The following PFKL variants were observed in gnomAD, a reference collection of about 807,000 sequenced individuals.
PFKL encodes ATP-dependent 6-phosphofructokinase, liver type.
PFKL carries 74 observed loss-of-function variants against 92.1 expected under a neutral mutation model. That is an observed-to-expected ratio of 0.80 (90% CI 0.67 to 0.97). PFKL has a LOEUF of 0.97. PFKL is among the 50% of genes least tolerant of loss of function. PFKL has a pLI of 0.00. For synonymous variants in PFKL, 494 were observed against 456.4 expected, an observed-to-expected ratio of 1.08 and a Z score of -1.05; for missense variants, 1,028 against 1,116.6, an observed-to-expected ratio of 0.92 and a Z score of 1.13.
At position 44,318,523 on chromosome 21, in the gene PFKL, C is replaced by A; in HGVS notation, c.990C>A (p.Asp330Glu). Residue 330 changes from aspartate to glutamate, a missense_variant, in exon 10 of 22, where the codon GAC becomes GAA. Physicochemically the swap from Asp to Glu is conservative, Grantham distance 45 (BLOSUM62 2). Transcript: ENST00000349048. ...TGGCGCTGCTGGAAGCCACGCCTGACACGCCGGCCTGCGTGGTCACCCTCT... is the reference window on the plus strand; with the variant it reads ...TGGCGCTGCTGGAAGCCACGCCTGAAACGCCGGCCTGCGTGGTCACCCTCT... ...AVMALLEATPDTPACVVTLSG... is the reference protein window; with the variant it reads ...AVMALLEATPETPACVVTLSG... The A allele has an allele frequency of 6.3e-7, 1 of 1,578,186 alleles. No homozygotes were observed. Among genetic ancestry groups the A allele is most frequent in the Non-Finnish European group, 8.6e-7 (1 of 1,156,676 alleles).
At chr21:44,312,898 G>C in intron 4 of PFKL, 80 bp from the exon 5 acceptor site, 1 of 1,464,132 alleles carries the variant, frequency 6.8e-7, no homozygotes, top group African/African-American at 1.4e-5. Context: ...GCGGGGGAAG[G>C]GGTGGCAGGA....
rs2047271899 is a variant in PFKL, at chr21:44,318,550, G to A, written c.1017G>A (p.Ser339=). Residue 339 remains serine, a synonymous_variant, in exon 10 of 22, where the codon TCG becomes TCA. Coordinates refer to ENST00000349048, the MANE Select transcript of PFKL (RefSeq NM_002626.6). ...CGCCGGCCTGCGTGGTCACCCTCTC[G>A]GGGAACCAGTCAGTGCGGCTGCCCC... ...PDTPACVVTL[S]GNQSVRLPLM... The A allele has an allele frequency of 3.2e-6, 5 of 1,576,128 alleles. No homozygotes were observed. The highest frequency in any genetic ancestry group is 4.3e-6 in the Non-Finnish European group (5 of 1,155,354).
At chr21:44,307,720 C>CGGGGTG (rs2040993737) in intron 2 of PFKL, among the ~76,000 whole-genome samples, 2 of 47,198 alleles carry the variant, frequency 4.2e-5, no homozygotes, top group African/African-American at 2.2e-4. Flanking sequence ...TCCCTGTGGC[C>CGGGGTG]AGGCTGGGGC....
intron 21 of PFKL, among the ~76,000 whole-genome samples, 169 bp from the exon 22 acceptor site, chr21:44,326,546 C>T (rs1302317588): frequency 1.0e-4 from 15 of 147,184 alleles, no homozygotes; most frequent in African/African-American, 1.5e-4. Context: ...GCTGTGCCTC[C>T]GAGGGATGGG....
At chr21:44,325,373 A>G (rs971912519) in intron 19 of PFKL, 109 bp downstream of exon 19, 23 of 728,708 alleles carry the variant, frequency 3.2e-5, no homozygotes, top group Middle Eastern at 6.5e-4. Context: ...CACTCCCGGC[A>G]GGCCCTCGGG....
chr21:44,323,006 G>T lies in PFKL; in HGVS notation c.1454G>T (p.Arg485Leu). Reference sequence around the variant, plus strand: ...CTGGAGTCCATTGTGGAGAACATCCGCATCTATGGTATTCACGCCCTGCTG... The same window carrying T: ...CTGGAGTCCATTGTGGAGAACATCCTCATCTATGGTATTCACGCCCTGCTG... ...GQLESIVENI[R>L]IYGIHALLVV... The change falls in exon 15 of 22, where the codon CGC (arginine) becomes CTC (leucine). Residue 485 changes from arginine (R) to leucine (L), a missense_variant. Arg to Leu is a moderately radical substitution (Grantham distance 102, BLOSUM62 -2). Coordinates refer to ENST00000349048, the MANE Select transcript of PFKL (RefSeq NM_002626.6). 1.2e-6 allele frequency: 2 copies of T among 1,613,118 alleles called. No individual in the cohort carries two copies. Among genetic ancestry groups the T allele is most frequent in the South Asian group, 2.2e-5 (2 of 91,052 alleles).
Position 44,320,226 on chromosome 21 carries a change from G to A in PFKL, c.1191+79G>A. 6 of 1,295,598 alleles carry A rather than the reference G, an allele frequency of 4.6e-6. No individual in the cohort carries two copies. The South Asian group carries it at 7.4e-5, about 16-fold the overall frequency. 80.3% of individuals were successfully genotyped at this position (1,295,598 alleles called of 1,614,324 possible). On this transcript the variant is annotated intron_variant, in intron 12 of 21. Transcript: ENST00000349048. ...GCCTCTTCACGCTGGCCCCGTGGCT[G>A]GGCCTGCCTGCCCCCACCTTCCCTC...
intron 16 of PFKL, 147 bp from the exon 17 acceptor site, chr21:44,324,344 G>T: frequency 1.3e-6 from 1 of 782,234 alleles, no homozygotes; most frequent in South Asian, 1.8e-5. Flanking sequence ...GTGGGAGGTG[G>T]GCCCAAGCCT....
chr21:44,307,851 TTTC>T (rs1257161244), intron 2 of PFKL, among the ~76,000 whole-genome samples: 37 of 152,210 alleles, frequency 2.4e-4, no homozygotes, highest in African/African-American at 2.2e-4. Context: ...CGACCTTCAG[TTTC>T]TTCTTCTAAG....
Position 44,326,149 on chromosome 21 carries a change from CTGTT to C in PFKL, c.2090-7_2090-4del, listed in dbSNP as rs1318132267. 5 of 1,611,722 alleles carry C rather than the reference CTGTT, an allele frequency of 3.1e-6. No individual in the cohort carries two copies. The highest frequency in any genetic ancestry group is 3.3e-4 in the Middle Eastern group (2 of 6,058). On this transcript the variant is annotated splice_region_variant and splice_polypyrimidine_tract_variant and intron_variant, in intron 20 of 21. Coordinates refer to ENST00000349048, the MANE Select transcript of PFKL (RefSeq NM_002626.6). ...CACCATGGAGGGCTGCCACGTGCCT[CTGTT>C]TGCAGGACGGGTGTTCGCCAATGCC...
In PFKL at chr21:44,318,670, C is replaced by G. The variant is rs995770850; in HGVS notation, c.1062+75C>G. On this transcript the variant is annotated intron_variant, in intron 10 of 21. Transcript: ENST00000349048. ...CCCCACTCACAGGCCCCACTGCTCT[C>G]TGGGGGCCCCAGCACTGTGAGCACC... 11 of 1,323,424 alleles carry G rather than the reference C, an allele frequency of 8.3e-6. No homozygotes were observed. The East Asian group carries it at 2.5e-4, about 30-fold the overall frequency. The allele number at this position is 1,323,424 out of a possible 1,614,324, so 82.0% of individuals were successfully genotyped here.
chr21:44,324,446 A>T (rs2047441005), intron 16 of PFKL, 45 bp from the exon 17 acceptor site: 2 of 1,602,834 alleles, frequency 1.2e-6, no homozygotes, highest in Non-Finnish European at 8.5e-7. Flanking sequence ...GCCTACAGGG[A>T]AGGGTGGGCA....
Position 44,324,583 on chromosome 21 carries a change from C to G in PFKL, c.1743C>G (p.Thr581=), listed in dbSNP as rs752845163. The change falls in exon 17 of 22, where the codon ACC becomes ACG. Residue 581 remains threonine (T), a synonymous_variant. Coordinates refer to ENST00000349048, the MANE Select transcript of PFKL (RefSeq NM_002626.6). ...TMGGYCGYLA[T]VTGIAVGADA... Reference sequence around the variant, plus strand: ...GGGGTTACTGTGGCTACCTGGCCACCGTGACTGGCATTGCTGTGGGGGCCG... The same window carrying G: ...GGGGTTACTGTGGCTACCTGGCCACGGTGACTGGCATTGCTGTGGGGGCCG... 1 of 1,612,726 alleles carries G rather than the reference C, an allele frequency of 6.2e-7. No homozygotes were observed. The highest frequency in any genetic ancestry group is 1.3e-5 in the African/African-American group (1 of 74,886).
chr21:44,302,954 C>T (rs562444307), intron 1 of PFKL, among the ~76,000 whole-genome samples: 21 of 152,292 alleles, frequency 1.4e-4, no homozygotes, highest in Non-Finnish European at 2.2e-4. Context: ...TGAAACAGGC[C>T]GGGCGCGGTG....
chr21:44,323,706 G>T, intron 15 of PFKL, 60 bp from the exon 16 acceptor site: 9 of 1,549,426 alleles, frequency 5.8e-6, no homozygotes, highest in Non-Finnish European at 7.9e-6. Context: ...GGCAGAGCCT[G>T]TCCCCGGCCC....
intron 1 of PFKL, 64 bp downstream of exon 1, chr21:44,300,254 C>G (rs2040729763): frequency 1.3e-6 from 1 of 788,550 alleles, no homozygotes; most frequent in Non-Finnish European, 1.6e-6. Flanking sequence ...CCTGGCCTCT[C>G]CGGAGCGCCC....
chr21:44,326,042 C>T lies in PFKL; in HGVS notation c.2071C>T (p.Arg691Cys), dbSNP rs769249641. 135 of 1,613,712 alleles carry T rather than the reference C, an allele frequency of 8.4e-5. No homozygotes were observed. Among genetic ancestry groups the T allele is most frequent in the Non-Finnish European group, 1.0e-4 (123 of 1,179,902 alleles). Residue 691 changes from arginine (R) to cysteine (C), a missense_variant, in exon 20 of 22, where the codon CGC becomes TGC. Arg to Cys is a radical substitution (Grantham distance 180). Transcript: ENST00000349048. ...CATGCTGTGGTTGTCGGAGAAGCTG[C>T]GCGAGGTTTACCGCAAGGGTAGGTG... ...KAMLWLSEKL[R>C]EVYRKGRVFA...
Position 44,321,893 on chromosome 21 carries a change from A to C in PFKL, c.1338+18A>C. The C allele has an allele frequency of 2.0e-6, 3 of 1,518,484 alleles. No individual in the cohort carries two copies. Among genetic ancestry groups the C allele is most frequent in the Admixed American group, 2.2e-5 (1 of 46,392 alleles). The allele number at this position is 1,518,484 out of a possible 1,614,324, so 94.1% of individuals were successfully genotyped here. On this transcript the variant is annotated intron_variant, in intron 13 of 21. Transcript: ENST00000349048. ...AGGGTCAGGTGGGTCCGGCCGGGGCAAACAAGTGAGGACTTGGGCCTTCTG... is the reference window on the plus strand; with the variant it reads ...AGGGTCAGGTGGGTCCGGCCGGGGCCAACAAGTGAGGACTTGGGCCTTCTG...
At chr21:44,311,124 GCAGA>G (rs1568949432) in intron 3 of PFKL, 41 bp downstream of exon 3, 2 of 1,513,936 alleles carry the variant, frequency 1.3e-6, no homozygotes, top group Admixed American at 1.7e-5. Flanking sequence ...ACTTGGACTC[GCAGA>G]CAGACACACA....
Sources: allele counts gnomAD v4.1 joint callset (sites outside exome capture counted in the v4.1 genomes callset), GRCh38; gene constraint gnomAD v4.1.1; transcripts MANE v1.5; gene names NCBI Gene and HGNC (gene_info 2026-07-23, HGNC 2026-07-21).